The following HACD2 variants were observed in gnomAD, a reference collection of about 807,000 sequenced individuals.
The protein encoded by HACD2 is 3-hydroxyacyl-CoA dehydratase 2.
A neutral mutation model predicts 31.0 loss-of-function variants in HACD2; 15 were observed. The observed-to-expected ratio is 0.48, with a 90% CI of 0.32 to 0.75. The LOEUF (loss-of-function observed/expected upper bound fraction) is 0.75. HACD2 is among the 30% of genes least tolerant of loss of function. The pLI, the probability that HACD2 is intolerant of heterozygous loss-of-function variation, is 0.03. For missense variants in HACD2, 283 were observed against 313.0 expected, an observed-to-expected ratio of 0.90 and a Z score of 0.72; for synonymous variants, 115 against 122.2, an observed-to-expected ratio of 0.94 and a Z score of 0.39.
Position 123,539,494 on chromosome 3 carries a change from C to G in HACD2, c.293-11020G>C, listed in dbSNP as rs2056463428. Among the ~76,000 whole-genome samples, 7 of 150,954 alleles carry G rather than the reference C, an allele frequency of 4.6e-5. No homozygotes were observed. In the South Asian group the frequency reaches 1.5e-3, roughly 32 times the overall value. On this transcript the variant is annotated intron_variant, in intron 3 of 6. Coordinates refer to ENST00000383657, the MANE Select transcript of HACD2 (RefSeq NM_198402.5). ...CTGAGGCACAAGAATCACTTGAACCCAGGAGGGCAAGGCTGCAGTGAGCCG... is the reference window on the plus strand; with the variant it reads ...CTGAGGCACAAGAATCACTTGAACCGAGGAGGGCAAGGCTGCAGTGAGCCG...
At chr3:123,525,977 T>C (rs1349920016) in intron 4 of HACD2, among the ~76,000 whole-genome samples, 1 of 152,162 alleles carries the variant, frequency 6.6e-6, no homozygotes, top group Non-Finnish European at 1.5e-5. Flanking sequence ...ATAGCTAATA[T>C]GAAACTCCAA....
intron 1 of HACD2, 26 bp from the exon 2 acceptor site, chr3:123,582,355 G>A: frequency 1.4e-6 from 2 of 1,467,584 alleles, no homozygotes; most frequent in Non-Finnish European, 1.8e-6. Flanking sequence ...ACAGCAATCA[G>A]GAAAAAATAA....
chr3:123,564,220 C>T (rs1369252014), intron 3 of HACD2, among the ~76,000 whole-genome samples: 1 of 152,138 alleles, frequency 6.6e-6, no homozygotes, highest in African/African-American at 2.4e-5. Context: ...GAGCAGACAT[C>T]CAGGAAATCA....
Position 123,537,613 on chromosome 3 carries a change from T to TA in HACD2, c.293-9140dup, listed in dbSNP as rs568475902. ...CACACACACACACACACACACACGG[T>TA]AAAAAAAAGTTTTAAAATTTTTTTT... On this transcript the variant is annotated intron_variant, in intron 3 of 6. Coordinates refer to ENST00000383657, the MANE Select transcript of HACD2 (RefSeq NM_198402.5). Among the ~76,000 whole-genome samples the TA allele has an allele frequency of 4.7e-3, 636 of 135,552 alleles. 2 individuals carry two copies. The highest frequency in any genetic ancestry group is 0.016 in the African/African-American group (597 of 37,966). The allele number at this position is 135,552 out of a possible 152,430, so 88.9% of individuals were successfully genotyped here.
At chr3:123,556,024 C>T (rs920862348) in intron 3 of HACD2, among the ~76,000 whole-genome samples, 1 of 152,168 alleles carries the variant, frequency 6.6e-6, no homozygotes, top group Admixed American at 6.5e-5. Context: ...AAACTAGACA[C>T]AGACCTGACA....
At chr3:123,550,418 G>A (rs1009907434) in intron 3 of HACD2, among the ~76,000 whole-genome samples, 3 of 152,078 alleles carry the variant, frequency 2.0e-5, no homozygotes, top group Non-Finnish European at 2.9e-5. Context: ...AGAAAGAAAG[G>A]GCAAGAGGGA....
At chr3:123,540,151 T>G (rs1259973635) in intron 3 of HACD2, among the ~76,000 whole-genome samples, 1 of 151,872 alleles carries the variant, frequency 6.6e-6, no homozygotes, top group African/African-American at 2.4e-5. Context: ...GCCGTGTTCC[T>G]ATATATTAAT....
chr3:123,532,655 T>C (rs1252462256), intron 3 of HACD2, among the ~76,000 whole-genome samples: 4 of 151,886 alleles, frequency 2.6e-5, no homozygotes, highest in Non-Finnish European at 1.5e-5. Flanking sequence ...CTGGCCAACA[T>C]GGTGAAACCC....
chr3:123,559,211 T>G (rs563037903), intron 3 of HACD2, among the ~76,000 whole-genome samples: 3 of 152,292 alleles, frequency 2.0e-5, no homozygotes, highest in African/African-American at 7.2e-5. Context: ...CCCTATAATT[T>G]CTGAGAAAAA....
intron 2 of HACD2, among the ~76,000 whole-genome samples, chr3:123,571,564 C>T (rs1053472291): frequency 6.6e-5 from 10 of 152,148 alleles, no homozygotes; most frequent in Non-Finnish European, 1.3e-4. Context: ...GAGTAACCTC[C>T]TACCGACAGC....
intron 3 of HACD2, among the ~76,000 whole-genome samples, chr3:123,545,182 TTAGAAA>T (rs1385753553): frequency 1.3e-5 from 2 of 150,892 alleles, no homozygotes; most frequent in Non-Finnish European, 3.0e-5. Flanking sequence ...TTACTTTATA[TTAGAAA>T]TAAAGTCTTT....
At chr3:123,497,483 C>T (rs964005780) in intron 6 of HACD2, among the ~76,000 whole-genome samples, 4 of 152,210 alleles carry the variant, frequency 2.6e-5, no homozygotes, top group Admixed American at 6.5e-5. Flanking sequence ...CAGATATGCT[C>T]TCTGCCTGGG....
At chr3:123,511,808 C>A (rs9856208) in intron 4 of HACD2, among the ~76,000 whole-genome samples, 1 of 152,128 alleles carries the variant, frequency 6.6e-6, no homozygotes, top group Non-Finnish European at 1.5e-5. Context: ...GCCCTCCTAT[C>A]GGTTAGGGTA....
At chr3:123,559,208 AT>A (rs1171206788) in intron 3 of HACD2, among the ~76,000 whole-genome samples, 4 of 152,162 alleles carry the variant, frequency 2.6e-5, no homozygotes, top group Non-Finnish European at 4.4e-5. Flanking sequence ...AAGCCCTATA[AT>A]TTCTGAGAAA....
At chr3:123,502,814 G>C in intron 4 of HACD2, 133 bp from the exon 5 acceptor site, 2 of 870,160 alleles carry the variant, frequency 2.3e-6, no homozygotes, top group Non-Finnish European at 3.5e-6. Context: ...CTGTATGGCA[G>C]AAAGAGCTTG....
Position 123,494,740 on chromosome 3 carries a change from G to A in HACD2, c.*148C>T. 1.5e-6 allele frequency: 1 copy of A among 668,084 alleles called. No individual in the cohort carries two copies. Among genetic ancestry groups the A allele is most frequent in the Non-Finnish European group, 2.6e-6 (1 of 381,400 alleles). The allele number at this position is 668,084 out of a possible 1,614,324, so 41.4% of individuals were successfully genotyped here. A position where few individuals can be genotyped will look rare whatever the true frequency, so the allele number is the denominator to read the frequency against. On this transcript the variant is annotated 3_prime_UTR_variant, in exon 7 of 7. Transcript: ENST00000383657. ...CTAAAATAAAATCTCAGGCCCATGT[G>A]ACACTGGATTTTTGTTTTAGTTTTG... is the stretch of plus-strand genomic sequence containing the variant.
intron 3 of HACD2, among the ~76,000 whole-genome samples, chr3:123,553,122 C>A (rs1056396735): frequency 6.6e-6 from 1 of 152,176 alleles, no homozygotes; most frequent in African/African-American, 2.4e-5. Flanking sequence ...TATTGGGTAT[C>A]TGGGAAAATC....
At chr3:123,499,135 T>C (rs749196107) in intron 6 of HACD2, among the ~76,000 whole-genome samples, 1 of 152,218 alleles carries the variant, frequency 6.6e-6, no homozygotes, top group African/African-American at 2.4e-5. Context: ...ATATCTCCTA[T>C]TCATTTGACT....
At chr3:123,558,191 T>A (rs554737807) in intron 3 of HACD2, among the ~76,000 whole-genome samples, 18 of 152,276 alleles carry the variant, frequency 1.2e-4, no homozygotes, top group Admixed American at 1.2e-3. Flanking sequence ...CTGCATACTG[T>A]ATGACATTCT....
Sources: allele counts gnomAD v4.1 joint callset (sites outside exome capture counted in the v4.1 genomes callset), GRCh38; gene constraint gnomAD v4.1.1; transcripts MANE v1.5; gene names NCBI Gene and HGNC (gene_info 2026-07-23, HGNC 2026-07-21).